Variants in SGPP2 observed in about 807,000 individuals in gnomAD.
The protein encoded by SGPP2 is sphingosine 1-phosphate phosphohydrolase 2.
In SGPP2, 30 loss-of-function variants were observed where a neutral mutation model predicts 33.9. That is an observed-to-expected ratio of 0.89 (90% CI 0.66 to 1.20). The LOEUF is 1.20. Among genes scored for constraint, SGPP2 ranks in the 50% most tolerant of loss-of-function variants. The pLI is 0.00. For missense variants in SGPP2, 458 were observed against 532.1 expected (o/e 0.86, Z 1.37); for synonymous variants, 233 against 225.0 (o/e 1.04, Z -0.32).
intron 2 of SGPP2, among the ~76,000 whole-genome samples, chr2:222,498,568 G>GAATT (rs1208251541): frequency 1.3e-5 from 2 of 151,940 alleles, no homozygotes; most frequent in Non-Finnish European, 2.9e-5. Context: ...ATGAATGAAT[G>GAATT]AATGAATGAA....
At chr2:222,448,389 G>T (rs1431856245) in intron 1 of SGPP2, among the ~76,000 whole-genome samples, 2 of 152,182 alleles carry the variant, frequency 1.3e-5, no homozygotes, top group Non-Finnish European at 2.9e-5. Flanking sequence ...TGTGCAAGCT[G>T]GAGGGATGGT....
chr2:222,462,348 G>C (rs1697676219), intron 1 of SGPP2, among the ~76,000 whole-genome samples: 1 of 152,166 alleles, frequency 6.6e-6, no homozygotes, highest in Non-Finnish European at 1.5e-5. Context: ...TCATGTTAGA[G>C]CAAAAGTGAG....
At chr2:222,478,703 G>A (rs550142425) in intron 2 of SGPP2, among the ~76,000 whole-genome samples, 2 of 152,162 alleles carry the variant, frequency 1.3e-5, no homozygotes, top group Non-Finnish European at 1.5e-5. Context: ...ATTGTCACTG[G>A]ATGAAGCCCC....
intron 4 of SGPP2, among the ~76,000 whole-genome samples, chr2:222,543,181 T>A (rs1699022670): frequency 6.6e-6 from 1 of 152,258 alleles, no homozygotes; most frequent in African/African-American, 2.4e-5. Context: ...TCTGTTATTA[T>A]ATTTGTGAGG....
chr2:222,490,625 T>C (rs1698183146), intron 2 of SGPP2, among the ~76,000 whole-genome samples: 1 of 141,872 alleles, frequency 7.0e-6, no homozygotes, highest in African/African-American at 2.8e-5. Context: ...TTTTTTTTTT[T>C]GTAAAGGCAA....
intron 2 of SGPP2, among the ~76,000 whole-genome samples, chr2:222,485,397 G>A (rs1392032710): frequency 6.6e-6 from 1 of 152,200 alleles, no homozygotes; most frequent in African/African-American, 2.4e-5. Context: ...GAGTGTCCCA[G>A]ATTTTTCACA....
At chr2:222,448,676 A>C (rs1030783364) in intron 1 of SGPP2, among the ~76,000 whole-genome samples, 3 of 152,254 alleles carry the variant, frequency 2.0e-5, no homozygotes, top group African/African-American at 7.2e-5. Flanking sequence ...TCAGAAAGAC[A>C]TGCTTTTCCA....
intron 1 of SGPP2, among the ~76,000 whole-genome samples, chr2:222,442,505 T>A (rs1697340935): frequency 6.6e-6 from 1 of 152,242 alleles, no homozygotes; most frequent in African/African-American, 2.4e-5. Flanking sequence ...TGTTGGGTGA[T>A]GTTTTTCGTA....
chr2:222,431,431 G>A (rs1697153834), intron 1 of SGPP2, among the ~76,000 whole-genome samples: 1 of 152,090 alleles, frequency 6.6e-6, no homozygotes, highest in Non-Finnish European at 1.5e-5. Context: ...GCTTGAACCC[G>A]GGAGTTAGAG....
intron 2 of SGPP2, among the ~76,000 whole-genome samples, chr2:222,520,737 A>AAAAAAAAAAAC (rs1559168292): frequency 7.1e-6 from 1 of 140,370 alleles, no homozygotes. Flanking sequence ...AAAAAAAAAA[A>AAAAAAAAAAAC]AAAAAAAACC....
chr2:222,472,587 C>G (rs113375119), intron 1 of SGPP2, among the ~76,000 whole-genome samples: 3 of 152,122 alleles, frequency 2.0e-5, no homozygotes, highest in South Asian at 2.1e-4. Context: ...ATTGTAGAAA[C>G]GTAAGCTGGG....
At chr2:222,537,116 C>T (rs962318466) in intron 4 of SGPP2, among the ~76,000 whole-genome samples, 1 of 152,220 alleles carries the variant, frequency 6.6e-6, no homozygotes, top group Non-Finnish European at 1.5e-5. Context: ...CTGTGTGCCT[C>T]AGCCAGGAAG....
chr2:222,553,143 C>T (rs561767583), intron 4 of SGPP2, among the ~76,000 whole-genome samples: 2 of 152,312 alleles, frequency 1.3e-5, no homozygotes, highest in African/African-American at 4.8e-5. Context: ...TTTGGAGTCA[C>T]ATTCAGCAAG....
At chr2:222,508,739 CTT>C (rs977780100) in intron 2 of SGPP2, among the ~76,000 whole-genome samples, 2 of 152,256 alleles carry the variant, frequency 1.3e-5, no homozygotes, top group African/African-American at 4.8e-5. Context: ...CTCATCTACT[CTT>C]TGTGCTTTAG....
intron 4 of SGPP2, among the ~76,000 whole-genome samples, chr2:222,527,501 C>T (rs1384761051): frequency 6.6e-6 from 1 of 152,106 alleles, no homozygotes; most frequent in Non-Finnish European, 1.5e-5. Flanking sequence ...TAGAAGCTTC[C>T]CATGGGGTTT....
At chr2:222,488,002 C>A (rs80328973) in intron 2 of SGPP2, among the ~76,000 whole-genome samples, 1 of 152,290 alleles carries the variant, frequency 6.6e-6, no homozygotes, top group East Asian at 1.9e-4. Flanking sequence ...ACATTGGCCA[C>A]TCCTGGATTC....
At chr2:222,505,591 GTTA>G (rs1698431895) in intron 2 of SGPP2, among the ~76,000 whole-genome samples, 1 of 152,100 alleles carries the variant, frequency 6.6e-6, no homozygotes, top group Admixed American at 6.6e-5. Flanking sequence ...TACTATGTAT[GTTA>G]TTATTTACTA....
chr2:222,490,724 C>G (rs549058839), intron 2 of SGPP2, among the ~76,000 whole-genome samples: 2 of 151,796 alleles, frequency 1.3e-5, no homozygotes, highest in African/African-American at 4.8e-5. Context: ...GGATTACAGG[C>G]ATGAGCCACT....
At chr2:222,456,487 C>A (rs1402054257) in intron 1 of SGPP2, among the ~76,000 whole-genome samples, 1 of 152,206 alleles carries the variant, frequency 6.6e-6, no homozygotes, top group Admixed American at 6.5e-5. Context: ...TGGCAGCTTA[C>A]AAATTCATAG....
Sources: gnomAD v4.1 joint callset for allele counts (sites outside exome capture counted in the v4.1 genomes callset) on GRCh38, gnomAD v4.1.1 for gene constraint, MANE v1.5 for transcripts, NCBI Gene and HGNC (gene_info 2026-07-23, HGNC 2026-07-21) for gene names.